GLI3: variants seen among roughly 807,000 people sequenced by gnomAD.
GLI3 encodes transcription activator GLI3.
In GLI3, 20 loss-of-function variants were observed where a neutral mutation model predicts 100.8. The observed-to-expected ratio is 0.20, with a 90% confidence interval of 0.14 to 0.29. The LOEUF is 0.29. GLI3 is among the 10% of genes least tolerant of loss of function. The probability of loss-of-function intolerance (pLI) is 1.00; values close to 1 mark genes in which losing one functional copy is unlikely to be tolerated. For synonymous variants in GLI3, 938 were observed against 860.5 expected (o/e 1.09, Z -1.58); for missense variants, 2,040 against 2,128.5 (o/e 0.96, Z 0.82).
chr7:42,056,576 A>G (rs1354479066), intron 4 of GLI3, among the ~76,000 whole-genome samples: 2 of 152,224 alleles, frequency 1.3e-5, no homozygotes, highest in Non-Finnish European at 2.9e-5. Context: ...TTTAAAGGCT[A>G]AGGCTGATTT....
chr7:42,093,201 G>A (rs965973722), intron 3 of GLI3, among the ~76,000 whole-genome samples: 5 of 151,394 alleles, frequency 3.3e-5, no homozygotes, highest in Non-Finnish European at 5.9e-5. Flanking sequence ...CCAACATGGA[G>A]AAACCCCGTC....
intron 10 of GLI3, among the ~76,000 whole-genome samples, chr7:42,010,694 C>A (rs80346849): frequency 0.01 from 1,560 of 152,262 alleles, 13 homozygotes; most frequent in South Asian, 0.025. Flanking sequence ...TAATAAAATG[C>A]ATACATTTAA....
intron 13 of GLI3, among the ~76,000 whole-genome samples, chr7:41,970,335 C>T (rs976028821): frequency 6.6e-6 from 1 of 152,086 alleles, no homozygotes; most frequent in Non-Finnish European, 1.5e-5. Flanking sequence ...TAGTAAATGT[C>T]TGTGAAGATA....
intron 1 of GLI3, among the ~76,000 whole-genome samples, chr7:42,257,884 A>G (rs1405083460): frequency 6.6e-6 from 1 of 152,108 alleles, no homozygotes; most frequent in African/African-American, 2.4e-5. Flanking sequence ...CAAACCTTGT[A>G]TTTCTGAGAT....
intron 3 of GLI3, among the ~76,000 whole-genome samples, chr7:42,081,676 C>A (rs1784999349): frequency 6.6e-6 from 1 of 151,972 alleles, no homozygotes; most frequent in Non-Finnish European, 1.5e-5. Flanking sequence ...ATCCTTCTCC[C>A]AAGAAATAGT....
intron 4 of GLI3, among the ~76,000 whole-genome samples, chr7:42,063,529 A>G (rs533773980): frequency 1.3e-5 from 2 of 152,348 alleles, no homozygotes; most frequent in South Asian, 4.1e-4. Context: ...TATTTTATTA[A>G]AAGATACCTG....
intron 3 of GLI3, among the ~76,000 whole-genome samples, chr7:42,082,138 C>G (rs1485132868): frequency 6.6e-6 from 1 of 151,780 alleles, no homozygotes; most frequent in Non-Finnish European, 1.5e-5. Flanking sequence ...TGAAAGGTCT[C>G]AAGCAGGAGA....
intron 3 of GLI3, among the ~76,000 whole-genome samples, chr7:42,090,688 T>C (rs1444289089): frequency 6.6e-5 from 10 of 152,222 alleles, no homozygotes; most frequent in Non-Finnish European, 1.5e-4. Context: ...GACCTCACTC[T>C]GTCTCCTGAA....
intron 1 of GLI3, among the ~76,000 whole-genome samples, chr7:42,249,704 T>C (rs989434307): frequency 6.6e-6 from 1 of 152,086 alleles, no homozygotes; most frequent in Non-Finnish European, 1.5e-5. Context: ...TCTTTAAATG[T>C]TAGTTCTCTT....
chr7:41,960,956 A>G lies in GLI3; in HGVS notation c.*3374T>C, dbSNP rs1334820306. On this transcript the variant is annotated 3_prime_UTR_variant, in exon 15 of 15. Transcript: ENST00000395925. ...TAAACAACCCAATAAAAATTTCCAT[A>G]CAAAGAATTTTTTATTGACATTGTA... 1.3e-5 allele frequency: 2 copies of G among 152,596 alleles called. No individual in the cohort carries two copies. The highest frequency in any genetic ancestry group is 2.9e-5 in the Non-Finnish European group (2 of 68,022). 9.5% of individuals were successfully genotyped at this position (152,596 alleles called of 1,614,324 possible). A position where few individuals can be genotyped will look rare whatever the true frequency, so the allele number is the denominator to read the frequency against.
chr7:42,014,679 CT>C (rs1187853369), intron 10 of GLI3, among the ~76,000 whole-genome samples: 1 of 152,190 alleles, frequency 6.6e-6, no homozygotes, highest in East Asian at 1.9e-4. Context: ...CACTGTCCTG[CT>C]TGTACATCGA....
intron 1 of GLI3, among the ~76,000 whole-genome samples, chr7:42,258,034 G>T (rs181267100): frequency 8.3e-4 from 127 of 152,118 alleles, no homozygotes; most frequent in Non-Finnish European, 6.0e-4. Context: ...CTTGTCTATG[G>T]CACTCTGTAA....
intron 2 of GLI3, among the ~76,000 whole-genome samples, chr7:42,171,502 T>C (rs1399389908): frequency 6.6e-6 from 1 of 152,192 alleles, no homozygotes; most frequent in Non-Finnish European, 1.5e-5. Context: ...AATAGTGAAA[T>C]AAGGCTAATA....
chr7:42,048,916 A>T (rs971777836), intron 4 of GLI3, among the ~76,000 whole-genome samples: 1 of 152,104 alleles, frequency 6.6e-6, no homozygotes, highest in Non-Finnish European at 1.5e-5. Context: ...AAATAAATTG[A>T]TCTCTGAGAA....
intron 1 of GLI3, among the ~76,000 whole-genome samples, chr7:42,232,462 C>T (rs1379067661): frequency 6.6e-6 from 1 of 152,190 alleles, no homozygotes; most frequent in Non-Finnish European, 1.5e-5. Context: ...GAAGGCAGCA[C>T]TAATACACTG....
At chr7:42,261,253 C>T (rs1328816278) in intron 1 of GLI3, among the ~76,000 whole-genome samples, 2 of 119,106 alleles carry the variant, frequency 1.7e-5, no homozygotes, top group Admixed American at 8.5e-5. Context: ...TTATGGGGTG[C>T]GGGGAGGTGC....
At chr7:42,031,325 C>G (rs1027395616) in intron 7 of GLI3, among the ~76,000 whole-genome samples, 1 of 152,174 alleles carries the variant, frequency 6.6e-6, no homozygotes, top group African/African-American at 2.4e-5. Context: ...AACTGTTAAT[C>G]TATATTTAGT....
chr7:42,138,566 C>T (rs1411708347), intron 3 of GLI3, among the ~76,000 whole-genome samples: 1 of 152,140 alleles, frequency 6.6e-6, no homozygotes, highest in African/African-American at 2.4e-5. Context: ...TTTCCCTTCA[C>T]CCCTGGGGGA....
intron 10 of GLI3, among the ~76,000 whole-genome samples, chr7:41,999,424 T>C (rs1788223791): frequency 6.6e-6 from 1 of 152,214 alleles, no homozygotes; most frequent in Admixed American, 6.5e-5. Context: ...TTGCTTTTCA[T>C]TGGCTCTGGG....
Sources: gnomAD v4.1 joint callset for allele counts (sites outside exome capture counted in the v4.1 genomes callset) on GRCh38, gnomAD v4.1.1 for gene constraint, MANE v1.5 for transcripts, NCBI Gene and HGNC (gene_info 2026-07-23, HGNC 2026-07-21) for gene names.